Variants in PTPRD observed in about 807,000 individuals in gnomAD.
PTPRD encodes receptor-type tyrosine-protein phosphatase delta.
In PTPRD, 34 loss-of-function variants were observed where a neutral mutation model predicts 214.5. The observed-to-expected ratio is 0.16, with a 90% CI of 0.12 to 0.21. The LOEUF is 0.21. PTPRD is among the 10% of genes least tolerant of loss of function. The probability of loss-of-function intolerance (pLI) is 1.00; values close to 1 mark genes in which losing one functional copy is unlikely to be tolerated. For synonymous variants in PTPRD, 1,128 were observed against 845.7 expected, an observed-to-expected ratio of 1.33 and a Z score of -5.79; for missense variants, 2,545 against 2,398.7, an observed-to-expected ratio of 1.06 and a Z score of -1.27.
intron 5 of PTPRD, among the ~76,000 whole-genome samples, chr9:9,907,995 T>A (rs528327623): frequency 2.0e-5 from 3 of 152,034 alleles, no homozygotes; most frequent in South Asian, 2.1e-4. Flanking sequence ...TATAGCATCT[T>A]ATACTTTGAG....
intron 12 of PTPRD, among the ~76,000 whole-genome samples, chr9:8,641,969 T>C (rs542942470): frequency 1.3e-5 from 2 of 152,322 alleles, no homozygotes; most frequent in African/African-American, 4.8e-5. Flanking sequence ...AAACTGCTTT[T>C]GTCTGTCCTT....
At chr9:9,919,492 T>A (rs1349028581) in intron 5 of PTPRD, among the ~76,000 whole-genome samples, 2 of 152,180 alleles carry the variant, frequency 1.3e-5, no homozygotes. Context: ...GAGTCCTGCA[T>A]GTGCCGCATT....
At chr9:10,205,700 C>T (rs948757468) in intron 3 of PTPRD, among the ~76,000 whole-genome samples, 13 of 152,066 alleles carry the variant, frequency 8.5e-5, no homozygotes, top group South Asian at 6.2e-4. Context: ...CCACCATGCC[C>T]GGCCTGCTTC....
intron 37 of PTPRD, among the ~76,000 whole-genome samples, chr9:8,383,566 G>C (rs2085888499): frequency 6.6e-6 from 1 of 152,160 alleles, no homozygotes; most frequent in African/African-American, 2.4e-5. Flanking sequence ...TGGTTTGTAT[G>C]ATTCCCTATT....
intron 2 of PTPRD, among the ~76,000 whole-genome samples, chr9:10,560,766 A>T (rs2063756220): frequency 3.9e-5 from 6 of 152,104 alleles, no homozygotes; most frequent in Admixed American, 2.6e-4. Context: ...AGTATGAACC[A>T]ATTAAAATTA....
intron 8 of PTPRD, among the ~76,000 whole-genome samples, chr9:9,462,863 C>T (rs1313922200): frequency 1.3e-5 from 2 of 152,122 alleles, no homozygotes; most frequent in Admixed American, 6.6e-5. Context: ...CCCCCTTAGT[C>T]TTTACCAAAA....
At chr9:9,790,105 G>C (rs563495072) in intron 5 of PTPRD, among the ~76,000 whole-genome samples, 11 of 152,166 alleles carry the variant, frequency 7.2e-5, no homozygotes, top group African/African-American at 2.6e-4. Flanking sequence ...GTAGAGGTGG[G>C]AATATCTGGC....
intron 14 of PTPRD, among the ~76,000 whole-genome samples, chr9:8,599,868 C>A (rs1397690342): frequency 6.6e-6 from 1 of 152,026 alleles, no homozygotes; most frequent in Non-Finnish European, 1.5e-5. Context: ...CCACCAGCCT[C>A]GGCCCCCCAA....
At chr9:8,424,339 C>A (rs193026995) in intron 35 of PTPRD, among the ~76,000 whole-genome samples, 1 of 152,240 alleles carries the variant, frequency 6.6e-6, no homozygotes, top group African/African-American at 2.4e-5. Context: ...AGACCTCAGA[C>A]TACACGGGTT....
intron 7 of PTPRD, among the ~76,000 whole-genome samples, chr9:9,589,968 T>G (rs1347889635): frequency 6.6e-6 from 1 of 152,006 alleles, no homozygotes; most frequent in Non-Finnish European, 1.5e-5. Context: ...TCATACATTG[T>G]GATTCTCATT....
chr9:9,708,708 C>T (rs939047689), intron 7 of PTPRD, among the ~76,000 whole-genome samples: 11 of 151,694 alleles, frequency 7.3e-5, no homozygotes, highest in Admixed American at 6.6e-5. Context: ...AAGTCTATAC[C>T]CGTCAGATAA....
At chr9:10,458,857 T>C (rs942577683) in intron 2 of PTPRD, among the ~76,000 whole-genome samples, 3 of 152,176 alleles carry the variant, frequency 2.0e-5, no homozygotes, top group African/African-American at 7.2e-5. Flanking sequence ...AAAATCAACA[T>C]GCAAAACATC....
At chr9:9,569,642 G>C (rs563731499) in intron 8 of PTPRD, among the ~76,000 whole-genome samples, 55 of 151,622 alleles carry the variant, frequency 3.6e-4, no homozygotes, top group African/African-American at 9.9e-4. Flanking sequence ...ATATCAAAGA[G>C]GGAGCAAGAT....
chr9:9,996,968 A>G (rs1477645619), intron 4 of PTPRD, among the ~76,000 whole-genome samples: 1 of 152,222 alleles, frequency 6.6e-6, no homozygotes, highest in East Asian at 1.9e-4. Context: ...TATGGCCTGT[A>G]TACAGGAAAA....
rs549255282 is a variant in PTPRD at position 8,316,678 on chromosome 9, T to TAACA, written c.*1192_*1195dup. The TAACA allele has an allele frequency of 2.5e-4, 58 of 230,426 alleles. No homozygotes were observed. Among genetic ancestry groups the TAACA allele is most frequent in the Middle Eastern group, 1.3e-3 (1 of 758 alleles). 14.3% of individuals were successfully genotyped at this position (230,426 alleles called of 1,614,324 possible). ...TATTGAACTTTGTTGGAAGCCTGAC[T>TAACA]AACAAACAAACAAAACAATTTGTGG... On this transcript the variant is annotated 3_prime_UTR_variant, in exon 46 of 46. Transcript: ENST00000381196.
At chr9:9,315,075 A>G (rs1017144390) in intron 9 of PTPRD, among the ~76,000 whole-genome samples, 4 of 152,008 alleles carry the variant, frequency 2.6e-5, no homozygotes, top group African/African-American at 9.7e-5. Flanking sequence ...GGCCAACTAA[A>G]GTTGTCATTT....
Position 9,327,490 on chromosome 9 carries a change from A to G in PTPRD, c.-203+69959T>C, listed in dbSNP as rs78633813. On this transcript the variant is annotated intron_variant, in intron 9 of 45. Coordinates refer to ENST00000381196, the MANE Select transcript of PTPRD (RefSeq NM_002839.4). Reference sequence around the variant, plus strand: ...TAAATCTACAAATGTTTTCAGAGAAATTTGCAAGAAGTACATGAAAATATA... The same window carrying G: ...TAAATCTACAAATGTTTTCAGAGAAGTTTGCAAGAAGTACATGAAAATATA... 5.1e-3 allele frequency among the ~76,000 whole-genome samples: 773 copies of G among 152,270 alleles called. 19 individuals carry two copies. In the East Asian group the frequency reaches 0.066, roughly 13 times the overall value.
chr9:8,743,434 G>A (rs983625542), intron 11 of PTPRD, among the ~76,000 whole-genome samples: 1 of 152,070 alleles, frequency 6.6e-6, no homozygotes, highest in African/African-American at 2.4e-5. Flanking sequence ...CTTCTCTAAG[G>A]GAACAGTCTC....
At chr9:8,422,077 G>T (rs1564694920) in intron 35 of PTPRD, among the ~76,000 whole-genome samples, 1 of 145,976 alleles carries the variant, frequency 6.9e-6, no homozygotes, top group Non-Finnish European at 1.5e-5. Context: ...GCCTGTGGAG[G>T]CAGAGGCTGC....
Sources: gnomAD v4.1 joint callset for allele counts (sites outside exome capture counted in the v4.1 genomes callset) on GRCh38, gnomAD v4.1.1 for gene constraint, MANE v1.5 for transcripts, NCBI Gene and HGNC (gene_info 2026-07-23, HGNC 2026-07-21) for gene names.